GLIPR1L1: variants seen among roughly 807,000 people sequenced by gnomAD.
GLIPR1L1 encodes GLIPR1-like protein 1.
GLIPR1L1 carries 26 observed loss-of-function variants against 29.9 expected under a neutral mutation model. The ratio of observed to expected loss-of-function variants is 0.87; its 90% CI spans 0.64 to 1.21. The LOEUF (loss-of-function observed/expected upper bound fraction) is 1.21, where lower values mean the gene tolerates loss of function less well. GLIPR1L1 is among the 50% of genes most tolerant of loss of function. GLIPR1L1 has a pLI of 0.00. For synonymous variants in GLIPR1L1, 77 were observed against 97.5 expected (o/e 0.79, Z 1.24); for missense variants, 305 against 290.3 (o/e 1.05, Z -0.37).
In GLIPR1L1 at chr12:75,350,446, C is replaced by T. The variant is rs561606068; in HGVS notation, c.521+2724C>T. Among the ~76,000 whole-genome samples the T allele has an allele frequency of 2.2e-4, 33 of 152,268 alleles. No homozygotes were observed. The East Asian group carries it at 5.4e-3, about 25-fold the overall frequency. On this transcript the variant is annotated intron_variant, in intron 3 of 5. Coordinates refer to ENST00000378695, the MANE Select transcript of GLIPR1L1 (RefSeq NM_001304964.2). ...GGCACTGCATACAGGAGCATTCTGG[C>T]GGGCATCAGGTCAATGCCCCTCTGG...
At chr12:75,353,567 C>A (rs577011769) in intron 3 of GLIPR1L1, among the ~76,000 whole-genome samples, 1 of 152,250 alleles carries the variant, frequency 6.6e-6, no homozygotes, top group East Asian at 1.9e-4. Context: ...ACCAGAAGAA[C>A]AAAGAGGAGC....
chr12:75,344,182 G>T (rs1352706745), intron 2 of GLIPR1L1, among the ~76,000 whole-genome samples: 2 of 151,920 alleles, frequency 1.3e-5, no homozygotes, highest in Non-Finnish European at 2.9e-5. Context: ...AAGAATGTTG[G>T]CCATTGTTTC....
chr12:75,354,079 G>A (rs963079814), intron 3 of GLIPR1L1, among the ~76,000 whole-genome samples: 2 of 142,760 alleles, frequency 1.4e-5, no homozygotes, highest in Non-Finnish European at 3.0e-5. Flanking sequence ...TTGAAAACCA[G>A]TATAAGACAA....
chr12:75,345,968 A>G (rs1193056844), intron 2 of GLIPR1L1, among the ~76,000 whole-genome samples: 1 of 152,238 alleles, frequency 6.6e-6, no homozygotes, highest in East Asian at 1.9e-4. Context: ...AAAATCAACA[A>G]CTATATCTTG....
chr12:75,354,763 T>C (rs1033892463), intron 3 of GLIPR1L1, among the ~76,000 whole-genome samples: 1 of 152,148 alleles, frequency 6.6e-6, no homozygotes, highest in African/African-American at 2.4e-5. Context: ...AACAGCATGG[T>C]ACTGGTACAA....
intron 3 of GLIPR1L1, among the ~76,000 whole-genome samples, chr12:75,356,259 A>G (rs2139509322): frequency 6.6e-6 from 1 of 152,360 alleles, no homozygotes; most frequent in East Asian, 1.9e-4. Flanking sequence ...TGTCAACTGA[A>G]AATTCTATAC....
chr12:75,362,337 G>C (rs1189446800), intron 3 of GLIPR1L1, among the ~76,000 whole-genome samples: 1 of 152,120 alleles, frequency 6.6e-6, no homozygotes, highest in Non-Finnish European at 1.5e-5. Context: ...AGAATGGCTA[G>C]AGAGTGACCA....
At chr12:75,365,674 T>C (rs567101702) in intron 4 of GLIPR1L1, among the ~76,000 whole-genome samples, 3 of 152,296 alleles carry the variant, frequency 2.0e-5, no homozygotes, top group East Asian at 1.9e-4. Flanking sequence ...ACATTTATTC[T>C]ATTACATTTA....
chr12:75,369,699 A>G lies in GLIPR1L1; in HGVS notation c.611-261A>G, dbSNP rs2044230537. ...TGGGAAAAATAAAGTTAACTACTTT[A>G]TAGCTTTTTCTGGTTTTGACTTTTG... On this transcript the variant is annotated intron_variant, in intron 4 of 5. Coordinates refer to ENST00000378695, the MANE Select transcript of GLIPR1L1 (RefSeq NM_001304964.2). The G allele has an allele frequency of 3.0e-6, 3 of 985,162 alleles. No individual in the cohort carries two copies. The East Asian group carries it at 3.4e-4, about 112-fold the overall frequency. 61.0% of individuals were successfully genotyped at this position (985,162 alleles called of 1,614,324 possible). A position where few individuals can be genotyped will look rare whatever the true frequency, so the allele number is the denominator to read the frequency against.
intron 3 of GLIPR1L1, among the ~76,000 whole-genome samples, chr12:75,358,136 C>G (rs893003771): frequency 8.6e-5 from 13 of 151,266 alleles, no homozygotes; most frequent in Non-Finnish European, 1.3e-4. Context: ...AATATGAGAA[C>G]ATAGGTGATA....
intron 2 of GLIPR1L1, among the ~76,000 whole-genome samples, chr12:75,346,063 T>C (rs556735971): frequency 6.6e-5 from 10 of 152,330 alleles, no homozygotes; most frequent in African/African-American, 1.4e-4. Flanking sequence ...CCAATGTTCA[T>C]ATTAATATTA....
rs546208416 is a variant in GLIPR1L1, at chr12:75,351,778, C to T, written c.521+4056C>T. ...GCCAGCCTGGTCTCGAACTCCTGAC[C>T]TCAGGTGATCCACCCTCCTTGGCCT... On this transcript the variant is annotated intron_variant, in intron 3 of 5. Coordinates refer to ENST00000378695, the MANE Select transcript of GLIPR1L1 (RefSeq NM_001304964.2). 2.5e-4 allele frequency among the ~76,000 whole-genome samples: 38 copies of T among 152,282 alleles called. No individual in the cohort carries two copies. The Middle Eastern group carries it at 0.01, about 41-fold the overall frequency.
intron 3 of GLIPR1L1, among the ~76,000 whole-genome samples, chr12:75,348,970 A>G (rs919838228): frequency 6.6e-6 from 1 of 152,210 alleles, no homozygotes; most frequent in Admixed American, 6.5e-5. Context: ...ACTAAGACAG[A>G]GGTTGGCTGG....
rs140429265 is a variant in GLIPR1L1 at position 75,365,515 on chromosome 12, C to G, written c.610+2325C>G. On this transcript the variant is annotated intron_variant, in intron 4 of 5. Coordinates refer to ENST00000378695, the MANE Select transcript of GLIPR1L1 (RefSeq NM_001304964.2). ...ACTTTTAAATAACCTTTGAATGAAA[C>G]AAACATTATTTACCTTTCAATAAGA... Among the ~76,000 whole-genome samples the G allele has an allele frequency of 5.5e-3, 836 of 152,118 alleles. 6 individuals are homozygous for G. The highest frequency in any genetic ancestry group is 0.019 in the African/African-American group (769 of 41,508).
At chr12:75,342,552 T>C (rs1334591132) in intron 1 of GLIPR1L1, among the ~76,000 whole-genome samples, 1 of 152,182 alleles carries the variant, frequency 6.6e-6, no homozygotes, top group East Asian at 1.9e-4. Context: ...ATTGAGCTAT[T>C]TGTCTACCCT....
rs1470865356 is a variant in GLIPR1L1 at position 75,347,695 on chromosome 12, C to G, written c.494C>G (p.Ala165Gly). Residue 165 changes from alanine to glycine, a missense_variant, in exon 3 of 6, where the codon GCA becomes GGA. By Grantham distance (60) the Ala-to-Gly change is moderately conservative. Transcript: ENST00000378695. ...CCTAACCTTGGGGGAGCTTCAACTG[C>G]AATATTTGTATGCAACTACGGACCT... is the stretch of plus-strand genomic sequence containing the variant. ...MCPNLGGAST[A>G]IFVCNYGPAG... is the part of the protein sequence containing the mutation. 6.2e-7 allele frequency: 1 copy of G among 1,603,922 alleles called. No homozygotes were observed. The highest frequency in any genetic ancestry group is 8.5e-7 in the Non-Finnish European group (1 of 1,173,320).
chr12:75,355,446 G>A (rs1469440304), intron 3 of GLIPR1L1, among the ~76,000 whole-genome samples: 3 of 152,104 alleles, frequency 2.0e-5, no homozygotes, highest in African/African-American at 7.2e-5. Context: ...AGTCAGAATG[G>A]CAATTATTAA....
At chr12:75,367,155 G>C (rs1489941838) in intron 4 of GLIPR1L1, 1 of 623,644 alleles carries the variant, frequency 1.6e-6, no homozygotes, top group Non-Finnish European at 2.9e-6. Context: ...AACCAAATAG[G>C]GTACCCAAAA....
At chr12:75,349,817 C>T (rs545300738) in intron 3 of GLIPR1L1, among the ~76,000 whole-genome samples, 21 of 152,108 alleles carry the variant, frequency 1.4e-4, no homozygotes, top group Admixed American at 3.9e-4. Context: ...GACCCTATCT[C>T]TTTAAAAAAA....
Sources: gnomAD v4.1 joint callset for allele counts (sites outside exome capture counted in the v4.1 genomes callset) on GRCh38, gnomAD v4.1.1 for gene constraint, MANE v1.5 for transcripts, NCBI Gene and HGNC (gene_info 2026-07-23, HGNC 2026-07-21) for gene names.